TJP3: variants seen among roughly 807,000 people sequenced by gnomAD.
TJP3 encodes the protein tight junction protein 3.
In TJP3, 85 loss-of-function variants were observed where a neutral mutation model predicts 104.2. The observed-to-expected ratio is 0.82, with a 90% CI of 0.68 to 0.98. TJP3 has a LOEUF of 0.98. TJP3 is among the 50% of genes least tolerant of loss of function. The pLI, the probability that TJP3 is intolerant of heterozygous loss-of-function variation, is 0.00. For synonymous variants in TJP3, 550 were observed against 550.6 expected (o/e 1.00, Z 0.02); for missense variants, 1,367 against 1,322.8 (o/e 1.03, Z -0.52).
At chr19:3,742,091 A>C (rs1816507743) in intron 14 of TJP3, among the ~76,000 whole-genome samples, 1 of 152,222 alleles carries the variant, frequency 6.6e-6, no homozygotes, top group South Asian at 2.1e-4. Flanking sequence ...AGGCATGTAG[A>C]TAGCCTTACA....
rs1340325779 is a variant in TJP3, at chr19:3,746,319, A to G, written c.2011-166A>G. On this transcript the variant is annotated intron_variant, in intron 16 of 20. Transcript: ENST00000541714. This position sits in a 1 kb window ranked among gnomAD's most constrained non-coding sequence, Gnocchi z 4.1. Reference sequence around the variant, plus strand: ...ACTCAAGTTGAGGTTTTGATGCCCAAGATGCTGCGACCTGGGCTGTTACCA... The same window carrying G: ...ACTCAAGTTGAGGTTTTGATGCCCAGGATGCTGCGACCTGGGCTGTTACCA... Among the ~76,000 whole-genome samples, 2 of 152,066 alleles carry G rather than the reference A, an allele frequency of 1.3e-5. No individual in the cohort carries two copies. Among genetic ancestry groups the G allele is most frequent in the African/African-American group, 4.8e-5 (2 of 41,394 alleles).
chr19:3,725,694 CAA>C (rs11412351), intron 1 of TJP3, among the ~76,000 whole-genome samples: 10 of 119,110 alleles, frequency 8.4e-5, no homozygotes, highest in Admixed American at 1.8e-4. Context: ...AACCCCATCT[CAA>C]AAAAAAAAAA....
chr19:3,750,540 C>T lies in TJP3; in HGVS notation c.2658-42C>T, dbSNP rs773261326. 5.0e-5 allele frequency: 76 copies of T among 1,507,016 alleles called. 1 individual carries two copies. The South Asian group carries it at 8.7e-4, about 17-fold the overall frequency. The allele number at this position is 1,507,016 out of a possible 1,614,324, so 93.4% of individuals were successfully genotyped here. On this transcript the variant is annotated intron_variant, in intron 20 of 20. Transcript: ENST00000541714. ...TCAGTTTATGGTGAGAAAGCTCACA[C>T]CCTTCCCACCCACAGCATCTATTCT...
In TJP3 at chr19:3,716,800, TA is replaced by T. The variant is rs34557114; in HGVS notation, c.-10+8240del. Among the ~76,000 whole-genome samples the T allele has an allele frequency of 6.0e-3, 336 of 55,842 alleles. 10 individuals are homozygous for T. Among genetic ancestry groups the T allele is most frequent in the Middle Eastern group, 0.031 (3 of 96 alleles). The allele number at this position is 55,842 out of a possible 152,430, so 36.6% of individuals were successfully genotyped here. On this transcript the variant is annotated intron_variant, in intron 1 of 20. Transcript: ENST00000541714. ...TCATACATATATATATATATATATA[TA>T]TTTTTTTTTTTTTTTTGAAACAGAG...
chr19:3,749,025 AT>A (rs34880669), intron 19 of TJP3, among the ~76,000 whole-genome samples: 412 of 139,590 alleles, frequency 3.0e-3, no homozygotes, highest in Middle Eastern at 7.3e-3. Context: ...TGCCCAGCTA[AT>A]TTTTTTTTTT....
intron 8 of TJP3, 87 bp from the exon 9 acceptor site, chr19:3,735,479 A>G (rs1379999695): frequency 1.5e-6 from 2 of 1,353,566 alleles, no homozygotes; most frequent in Non-Finnish European, 2.1e-6. Flanking sequence ...GATTACAGGC[A>G]TGAACCACCG....
intron 19 of TJP3, 44 bp downstream of exon 19, chr19:3,748,125 G>A (rs2036931627): frequency 1.3e-6 from 2 of 1,503,938 alleles, no homozygotes; most frequent in Non-Finnish European, 1.8e-6. Flanking sequence ...GTCTCCGGAG[G>A]GGATGCCAGC....
chr19:3,712,179 G>T (rs1298593693), intron 1 of TJP3, among the ~76,000 whole-genome samples: 1 of 152,226 alleles, frequency 6.6e-6, no homozygotes, highest in Non-Finnish European at 1.5e-5. Flanking sequence ...AGCCAGGTGT[G>T]TTGGCGTGTG....
intron 1 of TJP3, among the ~76,000 whole-genome samples, chr19:3,720,947 G>T (rs1252688876): frequency 8.4e-5 from 10 of 119,266 alleles, no homozygotes; most frequent in Non-Finnish European, 1.4e-4. Flanking sequence ...CTACTCTGTC[G>T]CCCAGACTGG....
At chr19:3,749,371 G>A (rs1013747564) in intron 19 of TJP3, among the ~76,000 whole-genome samples, 9 of 151,902 alleles carry the variant, frequency 5.9e-5, no homozygotes. Context: ...ATAGGGTCTT[G>A]CCCTGCTGCC....
At chr19:3,748,150 C>T (rs1447766770) in intron 19 of TJP3, 69 bp downstream of exon 19, 4 of 1,448,740 alleles carry the variant, frequency 2.8e-6, no homozygotes, top group Middle Eastern at 1.8e-4. Flanking sequence ...AGCAGACACA[C>T]ACTGGGAGCC....
In TJP3 at chr19:3,732,084, T is replaced by G. The variant is rs769361712; in HGVS notation, c.717+46T>G. ...CTGAGAGCAGGGAGACAAGGCAGGG[T>G]TGGGGCGGGCAGTCCCACGGAGTCA... On this transcript the variant is annotated intron_variant, in intron 6 of 20. Coordinates refer to ENST00000541714, the MANE Select transcript of TJP3 (RefSeq NM_001267560.2). 15 of 1,556,470 alleles carry G rather than the reference T, an allele frequency of 9.6e-6. No homozygotes were observed. The South Asian group carries it at 1.7e-4, about 18-fold the overall frequency.
rs183310684 is a variant in TJP3, at chr19:3,732,761, G to A, written c.717+723G>A. Among the ~76,000 whole-genome samples the A allele has an allele frequency of 5.9e-5, 9 of 151,648 alleles. No individual in the cohort carries two copies. The East Asian group carries it at 1.2e-3, about 20-fold the overall frequency. On this transcript the variant is annotated intron_variant, in intron 6 of 20. Transcript: ENST00000541714. ...TGACCTCAGGTGATCCCCCCCGCTC[G>A]GCCTCCCAACGTGCTGGGATTACAG...
rs201435495 is a variant in TJP3, at chr19:3,746,615, C to G, written c.2141C>G (p.Ala714Gly). The change falls in exon 17 of 21, where the codon GCG becomes GGG. Residue 714 changes from alanine to glycine, a missense_variant. Ala to Gly is a moderately conservative substitution (Grantham distance 60). Coordinates refer to ENST00000541714, the MANE Select transcript of TJP3 (RefSeq NM_001267560.2). The surrounding 1 kb of genome is among the most constrained non-coding windows in gnomAD (Gnocchi z 4.1). The stretch of plus-strand genomic sequence containing the variant: ...CTCAAGGCACTGCGCCAGTGGCTGG[C>G]GCCTGCCTCCCGCCGCAGCACCCGT... Reference protein sequence around the residue: ...PALKALRQWLAPASRRSTRRL... With the variant: ...PALKALRQWLGPASRRSTRRL... 17 of 1,608,210 alleles carry G rather than the reference C, an allele frequency of 1.1e-5. No homozygotes were observed. Among genetic ancestry groups the G allele is most frequent in the East Asian group, 4.5e-5 (2 of 44,404 alleles).
chr19:3,730,495 A>T lies in TJP3; in HGVS notation c.402A>T (p.Ser134=). ...VDQGRGYDGD[S]SSGSGRSWDE... is the part of the protein sequence containing the mutation. The stretch of plus-strand genomic sequence containing the variant: ...AGGGCCGGGGCTATGACGGCGACTC[A>T]TCCAGTGGCTCCGGCCGCTCCTGGG... The change falls in exon 5 of 21, where the codon TCA becomes TCT. Residue 134 remains serine (S), a synonymous_variant. Transcript: ENST00000541714. The surrounding 1 kb of genome is among the most constrained non-coding windows in gnomAD (Gnocchi z 7.3). The T allele has an allele frequency of 6.3e-7, 1 of 1,587,898 alleles. No homozygotes were observed. Among genetic ancestry groups the T allele is most frequent in the Non-Finnish European group, 8.6e-7 (1 of 1,167,944 alleles).
intron 7 of TJP3, 137 bp from the exon 8 acceptor site, chr19:3,734,190 G>A (rs1233872975): frequency 1.1e-5 from 11 of 1,016,944 alleles, no homozygotes; most frequent in African/African-American, 1.6e-5. Flanking sequence ...CCCAGCTCCA[G>A]AGCCGAATCT....
Position 3,731,609 on chromosome 19 carries a change from G to A in TJP3, c.614-326G>A, listed in dbSNP as rs148505105. ...GATTTTGCCACTGCACTCCAGCCCC[G>A]GCGATAGGAGTGAGACTCCTTCTCG... On this transcript the variant is annotated intron_variant, in intron 5 of 20. Coordinates refer to ENST00000541714, the MANE Select transcript of TJP3 (RefSeq NM_001267560.2). 6.0e-4 allele frequency among the ~76,000 whole-genome samples: 92 copies of A among 152,180 alleles called. 1 individual carries two copies. The highest frequency in any genetic ancestry group is 6.8e-3 in the Middle Eastern group (2 of 294).
intron 1 of TJP3, among the ~76,000 whole-genome samples, chr19:3,720,794 G>A (rs1023123647): frequency 1.3e-5 from 2 of 151,820 alleles, no homozygotes; most frequent in South Asian, 2.1e-4. Flanking sequence ...AGAAGGAAAC[G>A]ACCTTTACTC....
At chr19:3,710,656 C>T (rs1417197253) in intron 1 of TJP3, among the ~76,000 whole-genome samples, 1 of 152,054 alleles carries the variant, frequency 6.6e-6, no homozygotes, top group Non-Finnish European at 1.5e-5. Context: ...TTGAGGTTAG[C>T]GGAAGCCTAG....
Sources: allele counts gnomAD v4.1 joint callset (sites outside exome capture counted in the v4.1 genomes callset), GRCh38; gene constraint gnomAD v4.1.1; non-coding constraint Gnocchi (gnomAD v3.1); transcripts MANE v1.5; gene names NCBI Gene and HGNC (gene_info 2026-07-23, HGNC 2026-07-21).